The following FASTKD1 variants were observed in gnomAD, a reference collection of about 807,000 sequenced individuals.
The protein encoded by FASTKD1 is FAST kinase domains 1.
FASTKD1 carries 94 observed loss-of-function variants against 90.9 expected under a neutral mutation model. The observed-to-expected ratio is 1.03, with a 90% CI of 0.88 to 1.23. The LOEUF (loss-of-function observed/expected upper bound fraction) is 1.23. FASTKD1 is among the 50% of genes most tolerant of loss of function. The pLI is 0.00. For missense variants in FASTKD1, 945 were observed against 993.5 expected, an observed-to-expected ratio of 0.95 and a Z score of 0.66; for synonymous variants, 319 against 345.8, an observed-to-expected ratio of 0.92 and a Z score of 0.86.
At chr2:169,570,644 T>C (rs1684193178) in intron 2 of FASTKD1, among the ~76,000 whole-genome samples, 2 of 151,920 alleles carry the variant, frequency 1.3e-5, no homozygotes, top group African/African-American at 4.8e-5. Context: ...ACAGACAAAA[T>C]TTACTAATTG....
At chr2:169,553,487 T>C (rs1685591654) in intron 7 of FASTKD1, among the ~76,000 whole-genome samples, 1 of 152,178 alleles carries the variant, frequency 6.6e-6, no homozygotes, top group African/African-American at 2.4e-5. Context: ...TCTTATAACA[T>C]CCTAATACGC....
chr2:169,548,820 C>A (rs183236090), intron 7 of FASTKD1, among the ~76,000 whole-genome samples: 2 of 150,552 alleles, frequency 1.3e-5, no homozygotes, highest in Admixed American at 1.3e-4. Context: ...TGAGGCTGGG[C>A]GCGGTAGCTC....
intron 10 of FASTKD1, among the ~76,000 whole-genome samples, chr2:169,538,503 C>T (rs1363624077): frequency 6.6e-6 from 1 of 151,490 alleles, no homozygotes; most frequent in Non-Finnish European, 1.5e-5. Context: ...ATGGAGAAAC[C>T]CCGTCTATAC....
intron 7 of FASTKD1, among the ~76,000 whole-genome samples, chr2:169,553,533 C>G (rs1685593392): frequency 6.6e-6 from 1 of 152,154 alleles, no homozygotes; most frequent in African/African-American, 2.4e-5. Flanking sequence ...TTTCATATTA[C>G]TCAGTTCAAA....
chr2:169,536,120 TAAAATA>T (rs1444748825), intron 12 of FASTKD1, among the ~76,000 whole-genome samples: 3 of 152,118 alleles, frequency 2.0e-5, no homozygotes, highest in Non-Finnish European at 4.4e-5. Flanking sequence ...ATAAAAAAAT[TAAAATA>T]AAAATAAATT....
intron 12 of FASTKD1, 67 bp downstream of exon 12, chr2:169,537,157 CTGA>C: frequency 1.1e-6 from 1 of 924,874 alleles, no homozygotes; most frequent in Non-Finnish European, 1.7e-6. Flanking sequence ...AAAATTCCAA[CTGA>C]TAAGATGATT....
intron 7 of FASTKD1, among the ~76,000 whole-genome samples, chr2:169,547,103 T>C (rs1020452747): frequency 1.3e-5 from 2 of 152,194 alleles, no homozygotes; most frequent in African/African-American, 4.8e-5. Flanking sequence ...TGACCTCCTC[T>C]TTGGGTTTGA....
intron 12 of FASTKD1, among the ~76,000 whole-genome samples, chr2:169,534,656 A>C (rs1230641576): frequency 1.3e-5 from 2 of 151,230 alleles, no homozygotes; most frequent in African/African-American, 4.9e-5. Context: ...ATGGGGTTTC[A>C]CCATGTTAGC....
intron 12 of FASTKD1, among the ~76,000 whole-genome samples, chr2:169,532,851 A>C (rs1490761974): frequency 6.6e-6 from 1 of 152,206 alleles, no homozygotes; most frequent in Admixed American, 6.5e-5. Flanking sequence ...CATGAGACGT[A>C]TGAGGAATAG....
At chr2:169,547,124 G>A (rs184980206) in intron 7 of FASTKD1, among the ~76,000 whole-genome samples, 118 of 152,302 alleles carry the variant, frequency 7.7e-4, no homozygotes, top group Non-Finnish European at 1.3e-3. Context: ...TTAATTTGCT[G>A]GAGTGATTCA....
chr2:169,556,121 G>A (rs1339684954), intron 6 of FASTKD1, among the ~76,000 whole-genome samples: 1 of 152,074 alleles, frequency 6.6e-6, no homozygotes, highest in African/African-American at 2.4e-5. Flanking sequence ...CTCTGCTTGA[G>A]TGTAATAGCA....
chr2:169,563,798 T>C (rs1683826033), intron 3 of FASTKD1, among the ~76,000 whole-genome samples: 1 of 152,136 alleles, frequency 6.6e-6, no homozygotes, highest in African/African-American at 2.4e-5. Context: ...AACACATATG[T>C]AATAGCAAAA....
At position 169,544,846 on chromosome 2, in the gene FASTKD1, A is replaced by T. The variant is rs1685117194; in HGVS notation, c.1702-11T>A. 6.8e-7 allele frequency: 1 copy of T among 1,475,588 alleles called. No individual in the cohort carries two copies. Among genetic ancestry groups the T allele is most frequent in the Non-Finnish European group, 9.3e-7 (1 of 1,074,652 alleles). 91.4% of individuals were successfully genotyped at this position (1,475,588 alleles called of 1,614,324 possible). The stretch of plus-strand genomic sequence containing the variant: ...TGTAAAAGGATGGATCTGTATAAAA[A>T]GAACAAAAAATTTATAGTTTAAACT... On this transcript the variant is annotated splice_polypyrimidine_tract_variant and intron_variant, in intron 8 of 14. Transcript: ENST00000453153.
rs377096582 is a variant in FASTKD1, at chr2:169,561,710, AAATT to A, written c.573-929_573-926del. 7.4e-3 allele frequency among the ~76,000 whole-genome samples: 1,064 copies of A among 144,504 alleles called. 2 individuals are homozygous for A. Among genetic ancestry groups the A allele is most frequent in the South Asian group, 0.02 (90 of 4,440 alleles). The allele number at this position is 144,504 out of a possible 152,430, so 94.8% of individuals were successfully genotyped here. A position where few individuals can be genotyped will look rare whatever the true frequency, so the allele number is the denominator to read the frequency against. ...CCATTATAAATTATTAATCTATTATAAATTAATTATTAATCTATTATAAATTAAT... is the reference window on the plus strand; with the variant it reads ...CCATTATAAATTATTAATCTATTATAAATTATTAATCTATTATAAATTAAT... On this transcript the variant is annotated intron_variant, in intron 4 of 14. Transcript: ENST00000453153.
Position 169,569,799 on chromosome 2 carries a change from C to T in FASTKD1, c.378-547G>A, listed in dbSNP as rs148167562. ...CCTGGAGGTAGAGGTTGCAGAGAGC[C>T]GAGACTGCACCACTGCACTCCAGCC... On this transcript the variant is annotated intron_variant, in intron 2 of 14. Coordinates refer to ENST00000453153, the MANE Select transcript of FASTKD1 (RefSeq NM_024622.6). 4.5e-3 allele frequency among the ~76,000 whole-genome samples: 677 copies of T among 151,986 alleles called. 4 individuals are homozygous for T. Among genetic ancestry groups the T allele is most frequent in the Non-Finnish European group, 4.1e-3 (280 of 67,966 alleles).
In FASTKD1 at chr2:169,540,168, G is replaced by T. The variant is rs200660705; in HGVS notation, c.1828C>A (p.Pro610Thr). 1 of 1,569,348 alleles carries T rather than the reference G, an allele frequency of 6.4e-7. No homozygotes were observed. Among genetic ancestry groups the T allele is most frequent in the East Asian group, 2.3e-5 (1 of 44,332 alleles). Residue 610 changes from proline (P) to threonine (T), a missense_variant, in exon 10 of 15, where the codon CCT (proline) becomes ACT (threonine). Pro to Thr is a conservative substitution (Grantham distance 38). Coordinates refer to ENST00000453153, the MANE Select transcript of FASTKD1 (RefSeq NM_024622.6). Reference sequence around the variant, plus strand: ...AAACCAAGAAACACTAATATAAAAGGATCCAATATACCTAAAAGAAAATTA... The same window carrying T: ...AAACCAAGAAACACTAATATAAAAGTATCCAATATACCTAAAAGAAAATTA... Reference protein sequence around the residue: ...HLNSYLGILDPFILVFLGFSL... With the variant: ...HLNSYLGILDTFILVFLGFSL...
chr2:169,560,843 T>A, intron 4 of FASTKD1, 58 bp from the exon 5 acceptor site: 6 of 1,031,794 alleles, frequency 5.8e-6, no homozygotes, highest in Middle Eastern at 3.0e-4. Context: ...TCAATTCTTT[T>A]TTTTTTTTTT....
Position 169,572,015 on chromosome 2 carries a change from A to G in FASTKD1, c.15T>C (p.Pro5=). 7 of 1,569,970 alleles carry G rather than the reference A, an allele frequency of 4.5e-6. No individual in the cohort carries two copies. The highest frequency in any genetic ancestry group is 6.0e-6 in the Non-Finnish European group (7 of 1,158,856). ...TTGTAACCAATGACTCTAGGAAAAC[A>G]GGTGTTTTTTTCATTTATATCACAA... MKKT[P]VFLESLVTNM... is the part of the protein sequence containing the mutation. Residue 5 remains proline, a synonymous_variant, in exon 2 of 15, where the codon CCT becomes CCC. Transcript: ENST00000453153.
Position 169,540,182 on chromosome 2 carries a change from A to T in FASTKD1, c.1817-3T>A. ...TAATATAAAAGGATCCAATATACCTAAAAGAAAATTAAGATTTTTTTAAAG... is the reference window on the plus strand; with the variant it reads ...TAATATAAAAGGATCCAATATACCTTAAAGAAAATTAAGATTTTTTTAAAG... On this transcript the variant is annotated splice_region_variant and splice_polypyrimidine_tract_variant and intron_variant, in intron 9 of 14. Coordinates refer to ENST00000453153, the MANE Select transcript of FASTKD1 (RefSeq NM_024622.6). The T allele has an allele frequency of 2.0e-6, 3 of 1,537,922 alleles. No individual in the cohort carries two copies. The highest frequency in any genetic ancestry group is 2.7e-6 in the Non-Finnish European group (3 of 1,127,802).
Sources: allele counts gnomAD v4.1 joint callset (sites outside exome capture counted in the v4.1 genomes callset), GRCh38; gene constraint gnomAD v4.1.1; transcripts MANE v1.5; gene names NCBI Gene and HGNC (gene_info 2026-07-23, HGNC 2026-07-21).